LRP1B: variants seen among roughly 807,000 people sequenced by gnomAD.
LRP1B encodes low-density lipoprotein receptor-related protein 1B.
In LRP1B, 217 loss-of-function variants were observed where a neutral mutation model predicts 556.6. That is an observed-to-expected ratio of 0.39 (90% CI 0.35 to 0.44). The LOEUF is 0.44. Among genes scored for constraint, LRP1B ranks in the 20% least tolerant of loss-of-function variants. The pLI is 1.00. For missense variants in LRP1B, 5,053 were observed against 5,620.8 expected, an observed-to-expected ratio of 0.90 and a Z score of 3.23; for synonymous variants, 2,047 against 1,865.8, an observed-to-expected ratio of 1.10 and a Z score of -2.50.
chr2:140,357,854 TGAAAAAGGGCA>T, intron 74 of LRP1B, 114 bp downstream of exon 74: 1 of 1,109,642 alleles, frequency 9.0e-7, no homozygotes, highest in Admixed American at 2.4e-5. Context: ...CAAAGGTTTT[TGAAAAAGGGCA>T]TCAGTCAAGC....
intron 1 of LRP1B, among the ~76,000 whole-genome samples, chr2:142,052,061 C>T (rs1308326564): frequency 6.6e-6 from 1 of 151,958 alleles, no homozygotes; most frequent in Non-Finnish European, 1.5e-5. Context: ...TAATCCTTTC[C>T]TTCATTTAAA....
chr2:141,077,825 T>C (rs1047385282), intron 7 of LRP1B, among the ~76,000 whole-genome samples: 1 of 152,178 alleles, frequency 6.6e-6, no homozygotes, highest in Admixed American at 6.5e-5. Context: ...TATATCTTAC[T>C]GGCTCTGTTT....
At chr2:140,486,185 C>T (rs896105562) in intron 58 of LRP1B, among the ~76,000 whole-genome samples, 10 of 151,860 alleles carry the variant, frequency 6.6e-5, no homozygotes, top group Admixed American at 6.6e-4. Flanking sequence ...TCTGAATTCC[C>T]AGTACTTTTA....
chr2:141,865,389 G>A (rs1415097353), intron 1 of LRP1B, among the ~76,000 whole-genome samples: 1 of 151,548 alleles, frequency 6.6e-6, no homozygotes, highest in Non-Finnish European at 1.5e-5. Flanking sequence ...TCAGGAGATC[G>A]AGACCATCCC....
At position 141,831,435 on chromosome 2, in the gene LRP1B, T is replaced by C. The variant is rs114999451; in HGVS notation, c.83-21034A>G. Among the ~76,000 whole-genome samples the C allele has an allele frequency of 1.1e-3, 161 of 151,772 alleles. 1 individual carries two copies. The highest frequency in any genetic ancestry group is 3.8e-3 in the African/African-American group (157 of 41,516). On this transcript the variant is annotated intron_variant, in intron 1 of 90. Coordinates refer to ENST00000389484, the MANE Select transcript of LRP1B (RefSeq NM_018557.3). ...GGAGATCTGACTTTGTGTTTTTCAA[T>C]AGCTCTCTGTATTTCTGTTCTCACA...
At chr2:140,946,008 A>G (rs1025086681) in intron 20 of LRP1B, among the ~76,000 whole-genome samples, 1 of 152,186 alleles carries the variant, frequency 6.6e-6, no homozygotes, top group Non-Finnish European at 1.5e-5. Context: ...AAAGAAATCA[A>G]TAAGAAAAAA....
intron 3 of LRP1B, among the ~76,000 whole-genome samples, chr2:141,389,985 A>C (rs1689985919): frequency 6.6e-6 from 1 of 152,122 alleles, no homozygotes; most frequent in African/African-American, 2.4e-5. Context: ...TAAAAATATG[A>C]AAATTGGCCA....
At chr2:141,156,845 T>C (rs1702080205) in intron 7 of LRP1B, among the ~76,000 whole-genome samples, 1 of 152,096 alleles carries the variant, frequency 6.6e-6, no homozygotes. Context: ...AGTAAAGTAA[T>C]GGCAAAATCT....
intron 39 of LRP1B, 48 bp from the exon 40 acceptor site, chr2:140,701,893 A>C: frequency 6.2e-7 from 1 of 1,608,652 alleles, no homozygotes; most frequent in Non-Finnish European, 8.5e-7. Context: ...GACTAATTAA[A>C]GTCAAGCCAG....
intron 23 of LRP1B, among the ~76,000 whole-genome samples, chr2:140,890,602 C>T (rs1405150191): frequency 6.6e-6 from 1 of 151,792 alleles, no homozygotes; most frequent in South Asian, 2.1e-4. Context: ...ACTAGTTTAC[C>T]AAAGATCAAA....
At position 140,350,823 on chromosome 2, in the gene LRP1B, T is replaced by A; in HGVS notation, c.11866A>T (p.Lys3956Ter). The A allele has an allele frequency of 6.2e-7, 1 of 1,610,950 alleles. No individual in the cohort carries two copies. The highest frequency in any genetic ancestry group is 8.5e-7 in the Non-Finnish European group (1 of 1,178,496). ...ATCAAGCCACTGTTTGCTTGCCTTT[T>A]TTCTCTGCCATGGATCCTTTTGTAG... ...IFYKRIHGRE[K>*]RQANSGLICP... Residue 3956 changes from lysine to a stop codon, truncating the protein, a stop_gained, in exon 77 of 91, where the codon AAA (lysine) becomes TAA (stop). Transcript: ENST00000389484. LOFTEE classifies it high-confidence loss of function.
chr2:141,074,323 A>C (rs1365004689), intron 7 of LRP1B, among the ~76,000 whole-genome samples: 1 of 152,030 alleles, frequency 6.6e-6, no homozygotes, highest in East Asian at 1.9e-4. Flanking sequence ...GTTCCTGTGA[A>C]AGATCTTTTC....
intron 16 of LRP1B, among the ~76,000 whole-genome samples, chr2:140,990,640 A>G (rs1031887280): frequency 1.3e-5 from 2 of 152,048 alleles, no homozygotes; most frequent in Non-Finnish European, 2.9e-5. Context: ...GAGGTGACCA[A>G]TCCTCATCTG....
Position 140,613,376 on chromosome 2 carries a change from TATAATTATATACATATAAATATAA to T in LRP1B, c.6800-11761_6800-11738del, listed in dbSNP as rs1173639874. On this transcript the variant is annotated intron_variant, in intron 41 of 90. Coordinates refer to ENST00000389484, the MANE Select transcript of LRP1B (RefSeq NM_018557.3). ...AAATAATTATATAAATATAAATATATATAATTATATACATATAAATATAAATAATTATATACATATAAATATATA... is the reference window on the plus strand; with the variant it reads ...AAATAATTATATAAATATAAATATATATAATTATATACATATAAATATATA... 3.9e-4 allele frequency among the ~76,000 whole-genome samples: 41 copies of T among 104,984 alleles called. 8 individuals are homozygous for T. The highest frequency in any genetic ancestry group is 8.6e-4 in the Non-Finnish European group (41 of 47,740). The allele number at this position is 104,984 out of a possible 152,430, so 68.9% of individuals were successfully genotyped here. A position where few individuals can be genotyped will look rare whatever the true frequency, so the allele number is the denominator to read the frequency against.
intron 2 of LRP1B, among the ~76,000 whole-genome samples, chr2:141,739,436 G>A (rs1693615957): frequency 6.6e-6 from 1 of 151,974 alleles, no homozygotes; most frequent in Non-Finnish European, 1.5e-5. Context: ...TTCAGAAGAC[G>A]AACACCTGGA....
At chr2:141,214,383 T>C (rs1325574412) in intron 6 of LRP1B, among the ~76,000 whole-genome samples, 1 of 152,200 alleles carries the variant, frequency 6.6e-6, no homozygotes, top group African/African-American at 2.4e-5. Flanking sequence ...GTCCTTTAAC[T>C]GTTACTCTAA....
intron 7 of LRP1B, among the ~76,000 whole-genome samples, chr2:141,175,041 G>T (rs576629112): frequency 3.9e-5 from 6 of 152,098 alleles, no homozygotes; most frequent in African/African-American, 1.2e-4. Context: ...AAACTTGAGG[G>T]AGATGATTTA....
At chr2:140,610,673 C>T (rs1352162191) in intron 41 of LRP1B, among the ~76,000 whole-genome samples, 1 of 152,228 alleles carries the variant, frequency 6.6e-6, no homozygotes, top group Non-Finnish European at 1.5e-5. Flanking sequence ...GCAAGCTCCA[C>T]CTCCGGGGTG....
intron 59 of LRP1B, among the ~76,000 whole-genome samples, chr2:140,478,144 C>CTTTTTTTTTTTTTTTTTTTTTTTTTTT (rs35948232): frequency 3.2e-5 from 2 of 62,780 alleles, no homozygotes; most frequent in African/African-American, 1.1e-4. Context: ...TATAACTTAA[C>CTTTTTTTTTTTTTTTTTTTTTTTTTTT]TTTTTTTTTT....
Sources: allele counts gnomAD v4.1 joint callset (sites outside exome capture counted in the v4.1 genomes callset), GRCh38; gene constraint gnomAD v4.1.1; transcripts MANE v1.5; gene names NCBI Gene and HGNC (gene_info 2026-07-23, HGNC 2026-07-21).